CACNA2D4: variants seen among roughly 807,000 people sequenced by gnomAD.
CACNA2D4 encodes calcium voltage-gated channel auxiliary subunit alpha2delta 4.
In CACNA2D4, 157 loss-of-function variants were observed where a neutral mutation model predicts 163.8. The ratio of observed to expected loss-of-function variants is 0.96; its 90% CI spans 0.84 to 1.09. The LOEUF is 1.09. Among genes scored for constraint, CACNA2D4 ranks in the 50% least tolerant of loss-of-function variants. CACNA2D4 has a pLI of 0.00. For synonymous variants in CACNA2D4, 598 were observed against 586.9 expected, an observed-to-expected ratio of 1.02 and a Z score of -0.27; for missense variants, 1,410 against 1,479.9, an observed-to-expected ratio of 0.95 and a Z score of 0.78.
At chr12:1,897,157 T>C (rs968851957) in intron 6 of CACNA2D4, among the ~76,000 whole-genome samples, 1 of 152,136 alleles carries the variant, frequency 6.6e-6, no homozygotes, top group African/African-American at 2.4e-5. Flanking sequence ...CTCGTTCATA[T>C]GTGGGAGCTA....
chr12:1,848,256 CT>C, intron 23 of CACNA2D4, among the ~76,000 whole-genome samples: 1 of 152,326 alleles, frequency 6.6e-6, no homozygotes, highest in East Asian at 1.9e-4. Flanking sequence ...CTCCCCTTCT[CT>C]TTTCCTTGCA....
chr12:1,846,601 A>C lies in CACNA2D4; in HGVS notation c.2335T>G (p.Ser779Ala). The C allele has an allele frequency of 6.3e-7, 1 of 1,596,154 alleles. No individual in the cohort carries two copies. The highest frequency in any genetic ancestry group is 8.5e-7 in the Non-Finnish European group (1 of 1,174,702). The change falls in exon 24 of 38, where the codon TCC (serine) becomes GCC (alanine). Residue 779 changes from serine (S) to alanine (A), a missense_variant. Coordinates refer to ENST00000382722, the MANE Select transcript of CACNA2D4 (RefSeq NM_172364.5). The stretch of plus-strand genomic sequence containing the variant: ...GTGGCCGGCCCAACCCACCTGTCGG[A>C]GACCTTCTCGGAGCCCACGAACAAG... ...SSLFVGSEKV[S>A]DRKFLTPEDE...
chr12:1,838,459 G>GC (rs1424223109), intron 26 of CACNA2D4, among the ~76,000 whole-genome samples: 9 of 152,342 alleles, frequency 5.9e-5, no homozygotes, highest in African/African-American at 2.2e-4. Context: ...GCTCCAGCTG[G>GC]CCCCAGGATC....
At chr12:1,903,246 T>C (rs1866577959) in intron 6 of CACNA2D4, among the ~76,000 whole-genome samples, 1 of 151,988 alleles carries the variant, frequency 6.6e-6, no homozygotes, top group South Asian at 2.1e-4. Flanking sequence ...ATCTAAGACC[T>C]CAAACTATGA....
At chr12:1,839,691 AC>A (rs1864969231) in intron 26 of CACNA2D4, among the ~76,000 whole-genome samples, 1 of 152,218 alleles carries the variant, frequency 6.6e-6, no homozygotes, top group African/African-American at 2.4e-5. Context: ...CACACGCTGA[AC>A]ACACACACTG....
Position 1,840,841 on chromosome 12 carries a change from A to G in CACNA2D4, c.2471-22T>C, listed in dbSNP as rs570838032. The stretch of plus-strand genomic sequence containing the variant: ...CTTTCTGGGGAAACAGAGACAACCC[A>G]GTCATGGGGAAGAGCTGTGGTTGGG... On this transcript the variant is annotated intron_variant, in intron 25 of 37. Transcript: ENST00000382722. 13 of 1,485,926 alleles carry G rather than the reference A, an allele frequency of 8.7e-6. No homozygotes were observed. In the South Asian group the frequency reaches 1.4e-4, roughly 16 times the overall value. The allele number at this position is 1,485,926 out of a possible 1,614,324, so 92.0% of individuals were successfully genotyped here.
chr12:1,912,154 C>G (rs1866840679), intron 3 of CACNA2D4, among the ~76,000 whole-genome samples: 1 of 152,242 alleles, frequency 6.6e-6, no homozygotes, highest in African/African-American at 2.4e-5. Context: ...GCCCCTTCCC[C>G]TGCTGCTTGG....
chr12:1,853,269 G>A (rs1865326783), intron 23 of CACNA2D4, among the ~76,000 whole-genome samples: 1 of 152,112 alleles, frequency 6.6e-6, no homozygotes, highest in South Asian at 2.1e-4. Context: ...TATGTAGAAT[G>A]GTAGCATTCC....
chr12:1,792,109 A>G lies in CACNA2D4; in HGVS notation c.*1546T>C, dbSNP rs1862994521. 6.6e-6 allele frequency: 1 copy of G among 152,234 alleles called. No homozygotes were observed. Among genetic ancestry groups the G allele is most frequent in the African/African-American group, 2.4e-5 (1 of 41,452 alleles). 9.4% of individuals were successfully genotyped at this position (152,234 alleles called of 1,614,324 possible). A position where few individuals can be genotyped will look rare whatever the true frequency, so the allele number is the denominator to read the frequency against. On this transcript the variant is annotated 3_prime_UTR_variant, in exon 38 of 38. Transcript: ENST00000382722. ...TCTGCTGCAGTTTCTATAACATGGG[A>G]CTAATGATAGTACCCACTTTCAGGG...
chr12:1,793,712 C>CT lies in CACNA2D4; in HGVS notation c.3356_3357insA (p.Pro1120AlafsTer31). On this transcript the variant is annotated frameshift_variant, in exon 38 of 38. Coordinates refer to ENST00000382722, the MANE Select transcript of CACNA2D4 (RefSeq NM_172364.5). LOFTEE classifies it high-confidence loss of function. Reference sequence around the variant, plus strand: ...CACACACAGGCAGCAGGAGTAGGGGCGGCGAGGCTGAGGTGTCCGAGGCGC... The same window carrying CT: ...CACACACAGGCAGCAGGAGTAGGGGCTGGCGAGGCTGAGGTGTCCGAGGCGC... 2 of 1,613,588 alleles carry CT rather than the reference C, an allele frequency of 1.2e-6. No homozygotes were observed. The highest frequency in any genetic ancestry group is 2.2e-5 in the South Asian group (2 of 91,086).
chr12:1,868,576 G>A (rs1020914916), intron 18 of CACNA2D4, among the ~76,000 whole-genome samples: 3 of 151,664 alleles, frequency 2.0e-5, no homozygotes, highest in Admixed American at 6.6e-5. Context: ...TCATTGTATT[G>A]TATTGTATTG....
At chr12:1,866,037 C>G (rs1023283520) in intron 18 of CACNA2D4, among the ~76,000 whole-genome samples, 2 of 152,174 alleles carry the variant, frequency 1.3e-5, no homozygotes, top group Non-Finnish European at 2.9e-5. Flanking sequence ...GGGCTGGGAC[C>G]TACAGTGCAA....
chr12:1,915,456 G>A (rs1866949805), intron 1 of CACNA2D4, among the ~76,000 whole-genome samples: 1 of 152,188 alleles, frequency 6.6e-6, no homozygotes, highest in East Asian at 1.9e-4. Flanking sequence ...AGGACCCTGA[G>A]GACAAAGGAC....
At chr12:1,886,102 CAGGCCCAGCA>C (rs1444528896) in intron 8 of CACNA2D4, 63 bp from the exon 9 acceptor site, 19 of 1,547,714 alleles carry the variant, frequency 1.2e-5, no homozygotes, top group Non-Finnish European at 1.6e-5. Flanking sequence ...TTGCAAAGTC[CAGGCCCAGCA>C]AAGACACTCA....
Position 1,892,782 on chromosome 12 carries a change from C to G in CACNA2D4, c.782-5713G>C, listed in dbSNP as rs181589394. 2.0e-5 allele frequency among the ~76,000 whole-genome samples: 3 copies of G among 151,744 alleles called. No individual in the cohort carries two copies. In the South Asian group the frequency reaches 6.2e-4, roughly 31 times the overall value. On this transcript the variant is annotated intron_variant, in intron 6 of 37. Transcript: ENST00000382722. The stretch of plus-strand genomic sequence containing the variant: ...CTGTGAAGACATATACAGAATGAAA[C>G]GGAAGAAAAAAGATATTCCACGCAA...
intron 14 of CACNA2D4, among the ~76,000 whole-genome samples, chr12:1,879,265 G>A (rs76576804): frequency 0.13 from 19,550 of 152,158 alleles, 1,565 homozygotes; most frequent in African/African-American, 0.22. Context: ...TAATATTTAA[G>A]TTGTAATATT....
At chr12:1,909,440 C>T (rs1442563376) in intron 4 of CACNA2D4, among the ~76,000 whole-genome samples, 6 of 152,334 alleles carry the variant, frequency 3.9e-5, no homozygotes, top group African/African-American at 1.2e-4. Flanking sequence ...GTGATCCACC[C>T]GCCTCAGCCT....
intron 26 of CACNA2D4, among the ~76,000 whole-genome samples, chr12:1,823,910 C>G (rs552979030): frequency 1.3e-5 from 2 of 152,180 alleles, no homozygotes; most frequent in Non-Finnish European, 2.9e-5. Flanking sequence ...AAGTAACCCC[C>G]ACGTGTAAGC....
At position 1,878,901 on chromosome 12, in the gene CACNA2D4, G is replaced by A. The variant is rs1865935432; in HGVS notation, c.1644+55C>T. 1 of 1,514,182 alleles carries A rather than the reference G, an allele frequency of 6.6e-7. No homozygotes were observed. Among genetic ancestry groups the A allele is most frequent in the South Asian group, 1.2e-5 (1 of 86,676 alleles). 93.8% of individuals were successfully genotyped at this position (1,514,182 alleles called of 1,614,324 possible). A position where few individuals can be genotyped will look rare whatever the true frequency, so the allele number is the denominator to read the frequency against. On this transcript the variant is annotated intron_variant, in intron 15 of 37. Coordinates refer to ENST00000382722, the MANE Select transcript of CACNA2D4 (RefSeq NM_172364.5). The surrounding 1 kb of genome is among the most constrained non-coding windows in gnomAD (Gnocchi z 4.6). ...GGAGAGAGGCTCCCATCACGGGGGA[G>A]GGAGTTTGCTCCTGGGGAACCTGTG...
Sources: allele counts gnomAD v4.1 joint callset (sites outside exome capture counted in the v4.1 genomes callset), GRCh38; gene constraint gnomAD v4.1.1; non-coding constraint Gnocchi (gnomAD v3.1); transcripts MANE v1.5; gene names NCBI Gene and HGNC (gene_info 2026-07-23, HGNC 2026-07-21).